Variants in LRPPRC observed in about 807,000 individuals in gnomAD.
The protein encoded by LRPPRC is leucine rich pentatricopeptide repeat containing.
LRPPRC carries 120 observed loss-of-function variants against 180.3 expected under a neutral mutation model. That is an observed-to-expected ratio of 0.67 (90% confidence interval 0.57 to 0.77). The LOEUF (loss-of-function observed/expected upper bound fraction) is 0.77, where lower values mean the gene tolerates loss of function less well. Among genes scored for constraint, LRPPRC ranks in the 30% least tolerant of loss-of-function variants. LRPPRC has a pLI of 0.00. For synonymous variants in LRPPRC, 723 were observed against 600.0 expected, an observed-to-expected ratio of 1.21 and a Z score of -3.00; for missense variants, 2,012 against 1,657.2, an observed-to-expected ratio of 1.21 and a Z score of -3.72.
rs1007765133 is a variant in LRPPRC, at chr2:43,934,235, G to A, written c.2691C>T (p.Ala897=). The A allele has an allele frequency of 3.1e-6, 5 of 1,612,244 alleles. No individual in the cohort carries two copies. Among genetic ancestry groups the A allele is most frequent in the Middle Eastern group, 1.7e-4 (1 of 6,014 alleles). The change falls in exon 25 of 38, where the codon GCC becomes GCT. Residue 897 remains alanine, a synonymous_variant. Coordinates refer to ENST00000260665, the MANE Select transcript of LRPPRC (RefSeq NM_133259.4). ...CTTTGTAATTTCCTGTTTGTAGGAA[G>A]GCAAAGAAGAGATCATAGAGCATCA... ...EMVMLYDLFF[A]FLQTGNYKEA...
chr2:43,913,919 G>A (rs1046106932), intron 29 of LRPPRC, among the ~76,000 whole-genome samples: 2 of 152,060 alleles, frequency 1.3e-5, no homozygotes, highest in African/African-American at 4.8e-5. Flanking sequence ...TTTCTGAAAC[G>A]GGAGAAAATA....
chr2:43,905,624 C>T (rs561469167), intron 31 of LRPPRC, 68 bp downstream of exon 31: 65 of 1,114,836 alleles, frequency 5.8e-5, no homozygotes, highest in African/African-American at 4.4e-4. Context: ...TCCAAGTATT[C>T]GAAGGGCGTT....
At chr2:43,996,190 G>C (rs540603439), upstream of LRPPRC, among the ~76,000 whole-genome samples, 1 of 152,260 alleles carries the variant, frequency 6.6e-6, no homozygotes, top group East Asian at 1.9e-4. Context: ...TCCGTCTTCC[G>C]TCTCCGATCT....
At chr2:43,954,512 G>A (rs1673025866) in intron 14 of LRPPRC, among the ~76,000 whole-genome samples, 1 of 152,196 alleles carries the variant, frequency 6.6e-6, no homozygotes, top group Non-Finnish European at 1.5e-5. Context: ...AGTGTGAATT[G>A]CTAATCTAAG....
At chr2:43,928,276 C>T (rs985995554) in intron 25 of LRPPRC, among the ~76,000 whole-genome samples, 17 of 152,144 alleles carry the variant, frequency 1.1e-4, no homozygotes, top group African/African-American at 3.9e-4. Context: ...CATTACAACA[C>T]TCTGATGTAA....
chr2:43,988,003 G>A (rs952047008), intron 1 of LRPPRC, among the ~76,000 whole-genome samples: 11 of 152,084 alleles, frequency 7.2e-5, no homozygotes, highest in African/African-American at 2.7e-4. Context: ...TAGCACTTTT[G>A]GAGGCCGAGG....
chr2:43,920,863 G>A (rs1172789418), intron 27 of LRPPRC, among the ~76,000 whole-genome samples: 1 of 152,082 alleles, frequency 6.6e-6, no homozygotes, highest in African/African-American at 2.4e-5. Context: ...AAAGGTGGGT[G>A]GATAATCTAC....
chr2:43,931,548 G>T (rs1429731522), intron 25 of LRPPRC, among the ~76,000 whole-genome samples: 1 of 152,136 alleles, frequency 6.6e-6, no homozygotes, highest in Non-Finnish European at 1.5e-5. Flanking sequence ...GAATGCTTTT[G>T]TCTCTACTCT....
chr2:43,973,444 TA>T (rs536679074), intron 11 of LRPPRC, among the ~76,000 whole-genome samples, 162 bp downstream of exon 11: 53 of 152,212 alleles, frequency 3.5e-4, no homozygotes, highest in Non-Finnish European at 7.2e-4. Flanking sequence ...TTTTGTTTTT[TA>T]AAATGCTTAC....
intron 11 of LRPPRC, among the ~76,000 whole-genome samples, chr2:43,970,493 CAAGA>C (rs1184165146): frequency 3.3e-5 from 5 of 152,034 alleles, no homozygotes; most frequent in Admixed American, 6.6e-5. Context: ...TTTCTTTTCA[CAAGA>C]AAAAGATTAA....
At chr2:43,994,416 G>A (rs997239840) in intron 1 of LRPPRC, among the ~76,000 whole-genome samples, 8 of 152,168 alleles carry the variant, frequency 5.3e-5, no homozygotes, top group African/African-American at 1.9e-4. Flanking sequence ...AACCAACAAA[G>A]CACTTACTAG....
At chr2:43,901,068 C>G (rs1412061899) in intron 32 of LRPPRC, among the ~76,000 whole-genome samples, 1 of 152,134 alleles carries the variant, frequency 6.6e-6, no homozygotes, top group Non-Finnish European at 1.5e-5. Context: ...CATATATACA[C>G]AGGAATGAGA....
At chr2:43,982,606 T>A (rs1674361703) in intron 1 of LRPPRC, among the ~76,000 whole-genome samples, 172 bp from the exon 2 acceptor site, 1 of 152,236 alleles carries the variant, frequency 6.6e-6, no homozygotes, top group South Asian at 2.1e-4. Flanking sequence ...TTACTTTAGA[T>A]AAAATCATAT....
At chr2:43,965,458 C>A (rs932300131) in intron 11 of LRPPRC, among the ~76,000 whole-genome samples, 2 of 152,138 alleles carry the variant, frequency 1.3e-5, no homozygotes, top group South Asian at 2.1e-4. Context: ...CTGGCCTTGA[C>A]AACGACTTTT....
At chr2:43,936,574 G>C (rs1008231983) in intron 23 of LRPPRC, among the ~76,000 whole-genome samples, 1 of 152,090 alleles carries the variant, frequency 6.6e-6, no homozygotes, top group Non-Finnish European at 1.5e-5. Context: ...ATTGCCCTAA[G>C]TTGAATTACT....
chr2:43,923,017 C>T (rs1671751687), intron 27 of LRPPRC, among the ~76,000 whole-genome samples: 1 of 152,076 alleles, frequency 6.6e-6, no homozygotes, highest in African/African-American at 2.4e-5. Context: ...CCTCCTCAAA[C>T]TATTGACTCA....
chr2:43,941,215 T>C (rs1161106129), intron 23 of LRPPRC, among the ~76,000 whole-genome samples: 1 of 152,138 alleles, frequency 6.6e-6, no homozygotes, highest in Non-Finnish European at 1.5e-5. Context: ...CTGTGTTTTG[T>C]CCAATGCTGG....
chr2:43,903,671 T>C (rs1232931326), intron 31 of LRPPRC: 2 of 151,254 alleles, frequency 1.3e-5, no homozygotes, highest in African/African-American at 4.9e-5. Flanking sequence ...CTCAGAAGAG[T>C]AGATGAGAAA....
At chr2:43,952,772 C>G (rs546364700) in intron 14 of LRPPRC, among the ~76,000 whole-genome samples, 5 of 152,180 alleles carry the variant, frequency 3.3e-5, no homozygotes, top group Middle Eastern at 3.2e-3. Flanking sequence ...ATACCTTCAA[C>G]TGGAAATTCC....
Sources: gnomAD v4.1 joint callset for allele counts (sites outside exome capture counted in the v4.1 genomes callset) on GRCh38, gnomAD v4.1.1 for gene constraint, MANE v1.5 for transcripts, NCBI Gene and HGNC (gene_info 2026-07-23, HGNC 2026-07-21) for gene names.